ANO10: variants seen among roughly 807,000 people sequenced by gnomAD.
ANO10 encodes the protein anoctamin 10, also known as anoctamin-10.
Under a neutral mutation model 74.7 loss-of-function variants are expected in ANO10, and 77 were observed. The observed-to-expected ratio is 1.03, with a 90% CI of 0.86 to 1.25. ANO10 has a LOEUF of 1.25. Ranked by LOEUF, ANO10 falls within the 50% of genes most tolerant of loss-of-function variation. The pLI is 0.00. For missense variants in ANO10, 721 were observed against 778.1 expected, an observed-to-expected ratio of 0.93 and a Z score of 0.87; for synonymous variants, 279 against 284.9, an observed-to-expected ratio of 0.98 and a Z score of 0.21.
chr3:43,452,663 CAT>C (rs1212390449), intron 11 of ANO10, among the ~76,000 whole-genome samples: 2 of 152,166 alleles, frequency 1.3e-5, no homozygotes, highest in Non-Finnish European at 2.9e-5. Flanking sequence ...TTTGTGCAGA[CAT>C]GTGTTTTAAT....
intron 11 of ANO10, among the ~76,000 whole-genome samples, chr3:43,490,832 A>C (rs2076691700): frequency 6.6e-6 from 1 of 152,194 alleles, no homozygotes; most frequent in Non-Finnish European, 1.5e-5. Context: ...TCAGGTGACC[A>C]TCAGGTGATG....
chr3:43,479,504 A>T (rs756890604), intron 11 of ANO10, among the ~76,000 whole-genome samples: 2 of 152,230 alleles, frequency 1.3e-5, no homozygotes, highest in Non-Finnish European at 2.9e-5. Context: ...CTCTAATGAA[A>T]TGTGATTGGT....
At chr3:43,389,408 T>C (rs1222909154) in intron 12 of ANO10, among the ~76,000 whole-genome samples, 1 of 152,196 alleles carries the variant, frequency 6.6e-6, no homozygotes, top group Non-Finnish European at 1.5e-5. Context: ...GAAATAAATG[T>C]TTTAGGAGCT....
chr3:43,492,818 T>C (rs1161618153), intron 11 of ANO10, among the ~76,000 whole-genome samples: 1 of 152,118 alleles, frequency 6.6e-6, no homozygotes, highest in Non-Finnish European at 1.5e-5. Flanking sequence ...GAAAAATAAG[T>C]ACACTTTTAC....
At chr3:43,674,543 T>C (rs2084098363) in intron 1 of ANO10, among the ~76,000 whole-genome samples, 4 of 152,166 alleles carry the variant, frequency 2.6e-5, no homozygotes. Flanking sequence ...CTCATCATTC[T>C]CAACACTTAA....
chr3:43,367,036 T>G, intron 12 of ANO10, 62 bp from the exon 13 acceptor site: 1 of 1,489,618 alleles, frequency 6.7e-7, no homozygotes, highest in Non-Finnish European at 9.2e-7. Flanking sequence ...CCGAGGCCTC[T>G]GCTCTCTGTG....
At chr3:43,545,247 T>TA (rs1480554358) in intron 11 of ANO10, among the ~76,000 whole-genome samples, 2 of 152,202 alleles carry the variant, frequency 1.3e-5, no homozygotes, top group Non-Finnish European at 2.9e-5. Context: ...TAGACTCCAG[T>TA]AAAAAATTCT....
At chr3:43,590,462 C>G (rs1374100305) in intron 4 of ANO10, among the ~76,000 whole-genome samples, 2 of 152,062 alleles carry the variant, frequency 1.3e-5, no homozygotes, top group Admixed American at 6.6e-5. Context: ...TCTCAGAAGG[C>G]CTTCTATTCC....
In ANO10 at chr3:43,455,317, G is replaced by A. The variant is rs150185972; in HGVS notation, c.1798-22590C>T. ...GCATTGAGGGCTATTTGAGGTCAGT[G>A]ATTAGGAATCTAAAGTGAGGCAGGC... On this transcript the variant is annotated intron_variant, in intron 11 of 12. Coordinates refer to ENST00000292246, the MANE Select transcript of ANO10 (RefSeq NM_018075.5). 2.0e-4 allele frequency among the ~76,000 whole-genome samples: 30 copies of A among 152,270 alleles called. 1 individual carries two copies. In the East Asian group the frequency reaches 4.7e-3, roughly 24 times the overall value.
chr3:43,456,810 G>A (rs1015390750), intron 11 of ANO10, among the ~76,000 whole-genome samples: 1 of 152,216 alleles, frequency 6.6e-6, no homozygotes, highest in Admixed American at 6.5e-5. Context: ...TTTTAATTTT[G>A]TGTAATTGAG....
chr3:43,392,926 G>A (rs879826034), intron 12 of ANO10, among the ~76,000 whole-genome samples: 3 of 152,216 alleles, frequency 2.0e-5, no homozygotes, highest in Non-Finnish European at 4.4e-5. Context: ...ATCCAAGGGG[G>A]CATTTCCTGG....
chr3:43,593,585 G>T (rs1170742335), intron 4 of ANO10, among the ~76,000 whole-genome samples: 2 of 152,146 alleles, frequency 1.3e-5, no homozygotes, highest in African/African-American at 4.8e-5. Flanking sequence ...CACCAGGCCT[G>T]CCCTAAAAGG....
At chr3:43,368,368 T>C (rs1043820651) in intron 12 of ANO10, among the ~76,000 whole-genome samples, 2 of 152,172 alleles carry the variant, frequency 1.3e-5, no homozygotes, top group African/African-American at 4.8e-5. Flanking sequence ...AAGTTAACAC[T>C]GGCCCAGGGA....
intron 11 of ANO10, among the ~76,000 whole-genome samples, chr3:43,542,019 C>T (rs1277069300): frequency 6.6e-6 from 1 of 152,150 alleles, no homozygotes; most frequent in Admixed American, 6.5e-5. Flanking sequence ...TAGGAATAAC[C>T]ACTCCAGCAG....
intron 1 of ANO10, among the ~76,000 whole-genome samples, chr3:43,667,548 T>C (rs2084007111): frequency 6.6e-6 from 1 of 152,148 alleles, no homozygotes; most frequent in Non-Finnish European, 1.5e-5. Flanking sequence ...CTGAGCAGTA[T>C]ACACTGTACC....
chr3:43,639,515 A>C (rs1045691723), intron 1 of ANO10, among the ~76,000 whole-genome samples: 2 of 152,244 alleles, frequency 1.3e-5, no homozygotes, highest in African/African-American at 4.8e-5. Context: ...CTGTAATCCC[A>C]GCACTCTGGG....
chr3:43,473,459 AG>A (rs2075943875), intron 11 of ANO10, among the ~76,000 whole-genome samples: 1 of 152,184 alleles, frequency 6.6e-6, no homozygotes. Context: ...GCACAGTCAG[AG>A]AGAGCATGAC....
At chr3:43,634,339 T>C (rs1049879526) in intron 1 of ANO10, among the ~76,000 whole-genome samples, 5 of 152,156 alleles carry the variant, frequency 3.3e-5, no homozygotes, top group African/African-American at 4.8e-5. Context: ...AAGCACTTAG[T>C]ATAAAAATAA....
intron 12 of ANO10, among the ~76,000 whole-genome samples, chr3:43,409,242 T>C (rs1305992841): frequency 6.6e-6 from 1 of 151,940 alleles, no homozygotes; most frequent in East Asian, 1.9e-4. Context: ...TATGAAGCTG[T>C]GCCGTTAGGA....
Sources: gnomAD v4.1 joint callset for allele counts (sites outside exome capture counted in the v4.1 genomes callset) on GRCh38, gnomAD v4.1.1 for gene constraint, MANE v1.5 for transcripts, NCBI Gene and HGNC (gene_info 2026-07-23, HGNC 2026-07-21) for gene names.